ZNF529: variants seen among roughly 807,000 people sequenced by gnomAD.
ZNF529 encodes zinc finger protein 529.
In ZNF529, 11 loss-of-function variants were observed where a neutral mutation model predicts 10.1. The ratio of observed to expected loss-of-function variants is 1.09; its 90% CI spans 0.69 to 1.81. ZNF529 has a LOEUF of 1.81. Among genes scored for constraint, ZNF529 ranks in the 40% most tolerant of loss-of-function variants. The pLI is 0.00. For missense variants in ZNF529, 624 were observed against 666.8 expected (o/e 0.94, Z 0.71); for synonymous variants, 204 against 215.7 (o/e 0.95, Z 0.47).
chr19:36,565,116 A>C (rs1234133307), intron 2 of ZNF529, among the ~76,000 whole-genome samples: 1 of 152,204 alleles, frequency 6.6e-6, no homozygotes, highest in African/African-American at 2.4e-5. Flanking sequence ...GAGAAACAAG[A>C]GTTGAAAAAC....
intron 2 of ZNF529, among the ~76,000 whole-genome samples, chr19:36,583,577 A>G (rs1600345034): frequency 6.6e-6 from 1 of 152,194 alleles, no homozygotes; most frequent in East Asian, 1.9e-4. Flanking sequence ...ACGAGGAAAT[A>G]ACCATCACAG....
upstream of ZNF529, chr19:36,574,866 G>A: frequency 2.1e-6 from 1 of 471,062 alleles, no homozygotes. Context: ...ATTTCTCCTG[G>A]GCAAATATTT....
intron 4 of ZNF529, 23 bp downstream of exon 4, chr19:36,554,647 T>C: frequency 6.6e-7 from 1 of 1,520,728 alleles, no homozygotes; most frequent in South Asian, 1.3e-5. Context: ...ATATTCTAAG[T>C]TATTTAAGGC....
chr19:36,546,096 G>A lies in ZNF529; in HGVS notation c.*770C>T, dbSNP rs968223543. 1.5e-5 allele frequency: 2 copies of A among 134,300 alleles called. No individual in the cohort carries two copies. The highest frequency in any genetic ancestry group is 3.4e-5 in the Non-Finnish European group (2 of 59,142). 8.3% of individuals were successfully genotyped at this position (134,300 alleles called of 1,614,324 possible). On this transcript the variant is annotated 3_prime_UTR_variant, in exon 5 of 5. Transcript: ENST00000591340. ...ATATATATATAGTGTGTTATGTAGT[G>A]CATGTGTGGGCATATATAGTATACA...
chr19:36,547,611 C>T lies in ZNF529; in HGVS notation c.947G>A (p.Gly316Asp). The T allele has an allele frequency of 6.2e-7, 1 of 1,613,702 alleles. No individual in the cohort carries two copies. Among genetic ancestry groups the T allele is most frequent in the Non-Finnish European group, 8.5e-7 (1 of 1,179,738 alleles). The part of the protein sequence containing the change: ...DEKTYKCMEC[G>D]KDFRFHSQLT... ...CTGTGAATGAAATCTGAAGTCCTTG[C>T]CACATTCCATACATTTGTAAGTTTT... Residue 316 changes from glycine (G) to aspartate (D), a missense_variant, in exon 5 of 5, where the codon GGC becomes GAC. Physicochemically the swap from Gly to Asp is moderately conservative, Grantham distance 94. Coordinates refer to ENST00000591340, the MANE Select transcript of ZNF529 (RefSeq NM_020951.5).
At chr19:36,556,772 C>T (rs1029889937) in intron 2 of ZNF529, among the ~76,000 whole-genome samples, 5 of 152,192 alleles carry the variant, frequency 3.3e-5, no homozygotes, top group Non-Finnish European at 7.3e-5. Flanking sequence ...CTACCTCCAG[C>T]ACTAGAATGG....
rs147619246 is a variant in ZNF529 at position 36,560,491 on chromosome 19, C to T, written c.15-4294G>A. On this transcript the variant is annotated intron_variant, in intron 2 of 4. Coordinates refer to ENST00000591340, the MANE Select transcript of ZNF529 (RefSeq NM_020951.5). ...AAGGAAATGAATCCAGATGGTAACTCGAATCCATCTGGACCAAATGAGGAG... is the reference window on the plus strand; with the variant it reads ...AAGGAAATGAATCCAGATGGTAACTTGAATCCATCTGGACCAAATGAGGAG... Among the ~76,000 whole-genome samples the T allele has an allele frequency of 9.2e-5, 14 of 152,114 alleles. No homozygotes were observed. The East Asian group carries it at 2.5e-3, about 27-fold the overall frequency.
chr19:36,593,167 TA>T (rs374711614), intron 1 of ZNF529, among the ~76,000 whole-genome samples: 114 of 152,324 alleles, frequency 7.5e-4, no homozygotes, highest in African/African-American at 2.4e-3. Flanking sequence ...TTAAAAATCC[TA>T]AAGAGTAGAT....
intron 4 of ZNF529, among the ~76,000 whole-genome samples, chr19:36,551,594 CTT>C (rs1483337910): frequency 6.6e-6 from 1 of 152,218 alleles, no homozygotes; most frequent in East Asian, 1.9e-4. Context: ...AAAAAAGCCT[CTT>C]TGCCTTTCCT....
Position 36,547,757 on chromosome 19 carries a change from T to G in ZNF529, c.801A>C (p.Gly267=), listed in dbSNP as rs1418071727. 1.2e-6 allele frequency: 2 copies of G among 1,613,274 alleles called. No homozygotes were observed. Among genetic ancestry groups the G allele is most frequent in the Non-Finnish European group, 1.7e-6 (2 of 1,179,658 alleles). The change falls in exon 5 of 5, where the codon GGA becomes GGC. Residue 267 remains glycine (G), a synonymous_variant. Transcript: ENST00000591340. ...GAACTCTTTGAAGTGGAGTAACTTT[T>G]CCAACTCTTTCAAAGGTCCTTCTGT... ...KEYRRTFERV[G]KVTPLQRVHD... is the part of the protein sequence containing the mutation.
At chr19:36,603,588 A>G (rs957258636) in intron 1 of ZNF529, among the ~76,000 whole-genome samples, 1 of 152,230 alleles carries the variant, frequency 6.6e-6, no homozygotes, top group African/African-American at 2.4e-5. Context: ...TTCTCTTGGA[A>G]TACAGCAAAA....
intron 1 of ZNF529, chr19:36,593,810 A>G (rs2036779980): frequency 6.6e-6 from 1 of 152,186 alleles, no homozygotes; most frequent in Non-Finnish European, 1.5e-5. Flanking sequence ...ATGGTTAAGA[A>G]CTTGTCAGTC....
Position 36,546,434 on chromosome 19 carries a change from G to C in ZNF529, c.*432C>G, listed in dbSNP as rs964310362. The C allele has an allele frequency of 2.6e-5, 4 of 154,798 alleles. No individual in the cohort carries two copies. Among genetic ancestry groups the C allele is most frequent in the African/African-American group, 9.7e-5 (4 of 41,446 alleles). 9.6% of individuals were successfully genotyped at this position (154,798 alleles called of 1,614,324 possible). On this transcript the variant is annotated 3_prime_UTR_variant, in exon 5 of 5. Transcript: ENST00000591340. Reference sequence around the variant, plus strand: ...CATTACACAAAATGATGAGCTGTAAGACTGTAAAAATACATTGTATCTGAC... The same window carrying C: ...CATTACACAAAATGATGAGCTGTAACACTGTAAAAATACATTGTATCTGAC...
chr19:36,578,910 A>C (rs1268815043), intron 2 of ZNF529, among the ~76,000 whole-genome samples: 1 of 150,974 alleles, frequency 6.6e-6, no homozygotes, highest in Non-Finnish European at 1.5e-5. Flanking sequence ...ATGTAGTATT[A>C]AATTGTGTAT....
upstream of ZNF529, among the ~76,000 whole-genome samples, chr19:36,576,010 G>A (rs2036308113): frequency 6.6e-6 from 1 of 151,834 alleles, no homozygotes; most frequent in African/African-American, 2.4e-5. Flanking sequence ...CACCACACCC[G>A]GCTAATTTTT....
intron 2 of ZNF529, chr19:36,581,352 A>T (rs1600340426): frequency 6.6e-6 from 1 of 152,246 alleles, no homozygotes; most frequent in Admixed American, 6.5e-5. Context: ...TGACAACAGC[A>T]TATCAAAATT....
At chr19:36,568,382 G>C (rs959521972) in intron 2 of ZNF529, among the ~76,000 whole-genome samples, 1 of 152,112 alleles carries the variant, frequency 6.6e-6, no homozygotes, top group Non-Finnish European at 1.5e-5. Flanking sequence ...AGGCCAGAAG[G>C]AACAAAGCAG....
chr19:36,567,375 G>A (rs562681190), intron 2 of ZNF529, among the ~76,000 whole-genome samples: 11 of 151,832 alleles, frequency 7.2e-5, no homozygotes, highest in Non-Finnish European at 1.6e-4. Flanking sequence ...AAATATAAGA[G>A]CTAAAACTAT....
intron 2 of ZNF529, among the ~76,000 whole-genome samples, chr19:36,586,043 G>A (rs1336885961): frequency 6.6e-6 from 1 of 152,268 alleles, no homozygotes; most frequent in East Asian, 1.9e-4. Flanking sequence ...AGACAGGAGT[G>A]TCCAGTGTGG....
Sources: allele counts gnomAD v4.1 joint callset (sites outside exome capture counted in the v4.1 genomes callset), GRCh38; gene constraint gnomAD v4.1.1; transcripts MANE v1.5; gene names NCBI Gene and HGNC (gene_info 2026-07-23, HGNC 2026-07-21).